ERBIN: variants seen among roughly 807,000 people sequenced by gnomAD.
ERBIN encodes the protein erbb2 interacting protein, also known as densin-180-like protein.
ERBIN carries 60 observed loss-of-function variants against 158.4 expected under a neutral mutation model. That is an observed-to-expected ratio of 0.38 (90% confidence interval 0.31 to 0.47). The LOEUF (loss-of-function observed/expected upper bound fraction) is 0.47, where lower values mean the gene tolerates loss of function less well. ERBIN is among the 20% of genes least tolerant of loss of function. The pLI, the probability that ERBIN is intolerant of heterozygous loss-of-function variation, is 0.99. For synonymous variants in ERBIN, 594 were observed against 557.2 expected, an observed-to-expected ratio of 1.07 and a Z score of -0.93; for missense variants, 1,610 against 1,648.0, an observed-to-expected ratio of 0.98 and a Z score of 0.40.
At chr5:65,979,557 A>G (rs1022425290) in intron 1 of ERBIN, among the ~76,000 whole-genome samples, 4 of 152,248 alleles carry the variant, frequency 2.6e-5, no homozygotes, top group East Asian at 3.8e-4. Flanking sequence ...CTTATAGATG[A>G]CCCAATTATT....
intron 1 of ERBIN, among the ~76,000 whole-genome samples, chr5:65,947,039 C>G (rs917168592): frequency 3.9e-5 from 6 of 152,024 alleles, no homozygotes; most frequent in Admixed American, 3.9e-4. Context: ...TATTTTCTCC[C>G]ATTCCATACC....
At chr5:66,003,948 T>A (rs868354528) in intron 4 of ERBIN, among the ~76,000 whole-genome samples, 2,037 of 112,740 alleles carry the variant, frequency 0.018, 22 homozygotes, top group Middle Eastern at 0.031. Context: ...TTTTTTTTTT[T>A]ATAAGAGGCG....
At chr5:65,973,758 C>T (rs950226912) in intron 1 of ERBIN, among the ~76,000 whole-genome samples, 2 of 151,128 alleles carry the variant, frequency 1.3e-5, no homozygotes, top group South Asian at 2.1e-4. Flanking sequence ...GGGTTTGATT[C>T]AGTAGTAAAG....
At position 65,971,821 on chromosome 5, in the gene ERBIN, TTGAC is replaced by T. The variant is rs576229905; in HGVS notation, c.-57-16811_-57-16808del. Among the ~76,000 whole-genome samples, 531 of 152,306 alleles carry T rather than the reference TTGAC, an allele frequency of 3.5e-3. 3 individuals are homozygous for T. The highest frequency in any genetic ancestry group is 0.012 in the African/African-American group (512 of 41,574). Reference sequence around the variant, plus strand: ...CATATCCTGGGGAGAGAGCAAATGATTGACTGGCTTGAGTCAGGTGCCCGTTCCC... The same window carrying T: ...CATATCCTGGGGAGAGAGCAAATGATTGGCTTGAGTCAGGTGCCCGTTCCC... On this transcript the variant is annotated intron_variant, in intron 1 of 25. Coordinates refer to ENST00000284037, the MANE Select transcript of ERBIN (RefSeq NM_001253697.2).
At position 66,006,732 on chromosome 5, in the gene ERBIN, T is replaced by C. The variant is rs1157707124; in HGVS notation, c.308-5317T>C. ...ACCCCATCAAAAAGTAGGCAAAGCA[T>C]ATGAACAGACACTTCTCAAAAGAAG... On this transcript the variant is annotated intron_variant, in intron 4 of 25. Coordinates refer to ENST00000284037, the MANE Select transcript of ERBIN (RefSeq NM_001253697.2). Among the ~76,000 whole-genome samples, 5 of 152,010 alleles carry C rather than the reference T, an allele frequency of 3.3e-5. No individual in the cohort carries two copies. The East Asian group carries it at 5.8e-4, about 18-fold the overall frequency.
At chr5:66,026,785 G>A (rs1441192052) in intron 13 of ERBIN, among the ~76,000 whole-genome samples, 1 of 151,798 alleles carries the variant, frequency 6.6e-6, no homozygotes, top group Non-Finnish European at 1.5e-5. Context: ...TTTATCATAC[G>A]GTGGTTGTTA....
At chr5:65,989,728 A>C (rs1751666776) in intron 2 of ERBIN, among the ~76,000 whole-genome samples, 2 of 152,220 alleles carry the variant, frequency 1.3e-5, no homozygotes, top group African/African-American at 4.8e-5. Context: ...AAGTGTTTAC[A>C]TGTGTGACTA....
chr5:65,971,051 C>T (rs944057618), intron 1 of ERBIN, among the ~76,000 whole-genome samples: 7 of 152,148 alleles, frequency 4.6e-5, no homozygotes, highest in African/African-American at 1.7e-4. Context: ...GGTCATTCAA[C>T]GTTAATTTGA....
intron 7 of ERBIN, among the ~76,000 whole-genome samples, chr5:66,018,527 T>TTA (rs1554058825): frequency 0.15 from 674 of 4,520 alleles, 181 homozygotes; most frequent in Non-Finnish European, 0.22. Flanking sequence ...ATAATATATA[T>TTA]TATATTATAT....
intron 13 of ERBIN, 85 bp from the exon 14 acceptor site, chr5:66,028,189 T>A: frequency 1.0e-6 from 1 of 962,494 alleles, no homozygotes; most frequent in Middle Eastern, 3.2e-4. Flanking sequence ...ATAGCATTTT[T>A]CAGAAAACCT....
chr5:65,957,212 T>G (rs1747251688), intron 1 of ERBIN, among the ~76,000 whole-genome samples: 1 of 146,700 alleles, frequency 6.8e-6, no homozygotes, highest in South Asian at 2.1e-4. Flanking sequence ...TTTTAAATTT[T>G]TATTTTATTT....
intron 25 of ERBIN, among the ~76,000 whole-genome samples, chr5:66,077,795 T>TACACACACACAC (rs879359102): frequency 5.1e-4 from 49 of 97,002 alleles, no homozygotes; most frequent in Non-Finnish European, 1.3e-4. Context: ...CACACACACA[T>TACACACACACAC]ACACACACAC....
At chr5:65,976,520 CTTTTTT>C (rs778638629) in intron 1 of ERBIN, among the ~76,000 whole-genome samples, 1 of 138,062 alleles carries the variant, frequency 7.2e-6, no homozygotes, top group African/African-American at 2.6e-5. Context: ...TTTCTTTTTT[CTTTTTT>C]TTTTTTTTTA....
At chr5:65,973,287 A>G (rs978204619) in intron 1 of ERBIN, among the ~76,000 whole-genome samples, 3 of 151,186 alleles carry the variant, frequency 2.0e-5, no homozygotes, top group Admixed American at 2.0e-4. Context: ...AAGCATTAGG[A>G]GATATACCCA....
intron 1 of ERBIN, among the ~76,000 whole-genome samples, chr5:65,932,337 CAA>C (rs1040732361): frequency 4.6e-4 from 25 of 54,622 alleles, no homozygotes; most frequent in Admixed American, 8.4e-4. Flanking sequence ...GACTCCGTCT[CAA>C]AAAAAAAAAA....
At position 66,050,226 on chromosome 5, in the gene ERBIN, CTTTTTTTTTTTTTTTTTTTT is replaced by C. The variant is rs869119758; in HGVS notation, c.1904-540_1904-521del. Among the ~76,000 whole-genome samples the C allele has an allele frequency of 5.1e-4, 5 of 9,738 alleles. 2 individuals carry two copies. The highest frequency in any genetic ancestry group is 3.4e-3 in the Admixed American group (3 of 880). The allele number at this position is 9,738 out of a possible 152,430, so 6.4% of individuals were successfully genotyped here. Reference sequence around the variant, plus strand: ...ACCTTGTCAGTAACTAAATCGAATTCTTTTTTTTTTTTTTTTTTTTTTTTTTTTTTTTTTTTGAGACGGAG... The same window carrying C: ...ACCTTGTCAGTAACTAAATCGAATTCTTTTTTTTTTTTTTTTGAGACGGAG... On this transcript the variant is annotated intron_variant, in intron 19 of 25. Coordinates refer to ENST00000284037, the MANE Select transcript of ERBIN (RefSeq NM_001253697.2).
At chr5:65,930,289 CT>C (rs1743206695) in intron 1 of ERBIN, among the ~76,000 whole-genome samples, 1 of 152,080 alleles carries the variant, frequency 6.6e-6, no homozygotes. Context: ...GGTATTTTAA[CT>C]TTATATTCAT....
At chr5:66,050,133 A>G (rs1231895488) in intron 19 of ERBIN, among the ~76,000 whole-genome samples, 1 of 151,934 alleles carries the variant, frequency 6.6e-6, no homozygotes, top group Non-Finnish European at 1.5e-5. Flanking sequence ...AGTTTTTCAA[A>G]TTGTAAATGG....
At chr5:66,013,940 A>G (rs960973382) in intron 6 of ERBIN, among the ~76,000 whole-genome samples, 2 of 152,116 alleles carry the variant, frequency 1.3e-5, no homozygotes, top group Non-Finnish European at 2.9e-5. Flanking sequence ...TTCTAAAATG[A>G]TTTAATAATT....
Sources: allele counts gnomAD v4.1 joint callset (sites outside exome capture counted in the v4.1 genomes callset), GRCh38; gene constraint gnomAD v4.1.1; transcripts MANE v1.5; gene names NCBI Gene and HGNC (gene_info 2026-07-23, HGNC 2026-07-21).